Variants in HDAC4 observed in about 807,000 individuals in gnomAD.
The protein encoded by HDAC4 is histone deacetylase 4, also known as histone deacetylase A.
In HDAC4, 16 loss-of-function variants were observed where a neutral mutation model predicts 135.1. The ratio of observed to expected loss-of-function variants is 0.12; its 90% CI spans 0.08 to 0.18. HDAC4 has a LOEUF of 0.18. Ranked by LOEUF, HDAC4 falls within the 10% of genes least tolerant of loss-of-function variation. The probability of loss-of-function intolerance (pLI) is 1.00; values close to 1 mark genes in which losing one functional copy is unlikely to be tolerated. For synonymous variants in HDAC4, 685 were observed against 653.4 expected (o/e 1.05, Z -0.74); for missense variants, 1,143 against 1,511.8 (o/e 0.76, Z 4.05).
At chr2:239,337,101 C>A (rs1384732287) in intron 2 of HDAC4, among the ~76,000 whole-genome samples, 1 of 152,134 alleles carries the variant, frequency 6.6e-6, no homozygotes, top group Non-Finnish European at 1.5e-5. Context: ...GGGGAAAGTG[C>A]CATTCTCATC....
chr2:239,316,267 T>A (rs1185295638), intron 2 of HDAC4, among the ~76,000 whole-genome samples: 2 of 152,154 alleles, frequency 1.3e-5, no homozygotes, highest in African/African-American at 4.8e-5. Flanking sequence ...AATCTACTTA[T>A]CTTTTGATAG....
chr2:239,128,870 C>T (rs541817400), intron 11 of HDAC4, among the ~76,000 whole-genome samples: 18 of 152,154 alleles, frequency 1.2e-4, no homozygotes, highest in East Asian at 3.9e-4. Context: ...GTGTGACACA[C>T]GGTAAGGAAC....
At chr2:239,143,082 G>T (rs2041511093) in intron 8 of HDAC4, among the ~76,000 whole-genome samples, 1 of 152,264 alleles carries the variant, frequency 6.6e-6, no homozygotes, top group South Asian at 2.1e-4. Flanking sequence ...GTGATGTGCT[G>T]CTTGCTCAAA....
intron 4 of HDAC4, among the ~76,000 whole-genome samples, chr2:239,180,057 G>A (rs569360448): frequency 1.3e-5 from 2 of 152,322 alleles, no homozygotes; most frequent in South Asian, 2.1e-4. Flanking sequence ...GGGGGCAGGC[G>A]GTGTGTGTCC....
At chr2:239,169,334 G>A (rs1019515962) in intron 5 of HDAC4, among the ~76,000 whole-genome samples, 10 of 152,334 alleles carry the variant, frequency 6.6e-5, no homozygotes, top group South Asian at 6.2e-4. Flanking sequence ...GGCCCGTGGC[G>A]CACACCCGCG....
intron 3 of HDAC4, among the ~76,000 whole-genome samples, chr2:239,201,496 C>A (rs1205051835): frequency 2.6e-5 from 4 of 152,212 alleles, no homozygotes; most frequent in Non-Finnish European, 4.4e-5. Context: ...AAGGCCAGGC[C>A]CCCCTGTAAT....
chr2:239,089,019 G>T (rs2036249749), intron 18 of HDAC4, among the ~76,000 whole-genome samples: 1 of 152,142 alleles, frequency 6.6e-6, no homozygotes, highest in African/African-American at 2.4e-5. Context: ...TCCAAGAAGG[G>T]CTAATGGTTC....
intron 4 of HDAC4, among the ~76,000 whole-genome samples, chr2:239,188,298 C>T (rs979145893): frequency 1.3e-5 from 2 of 152,236 alleles, no homozygotes; most frequent in Non-Finnish European, 2.9e-5. Context: ...TACTACTTTA[C>T]CTCCATTTCT....
At chr2:239,177,877 G>A (rs780000860) in intron 4 of HDAC4, among the ~76,000 whole-genome samples, 3 of 152,180 alleles carry the variant, frequency 2.0e-5, no homozygotes, top group South Asian at 2.1e-4. Flanking sequence ...TCACGGTATC[G>A]GAAAAGGTGA....
At chr2:239,315,437 C>A (rs1036768093) in intron 2 of HDAC4, among the ~76,000 whole-genome samples, 1 of 152,186 alleles carries the variant, frequency 6.6e-6, no homozygotes, top group African/African-American at 2.4e-5. Context: ...GATGGGAGAG[C>A]AACGGGCAAT....
chr2:239,164,626 C>G (rs2043018307), intron 5 of HDAC4, among the ~76,000 whole-genome samples: 1 of 152,256 alleles, frequency 6.6e-6, no homozygotes, highest in African/African-American at 2.4e-5. Flanking sequence ...TCCAATCTAA[C>G]CACACAGTAC....
intron 12 of HDAC4, among the ~76,000 whole-genome samples, chr2:239,121,399 G>C (rs531656309): frequency 6.6e-6 from 1 of 152,280 alleles, no homozygotes; most frequent in East Asian, 1.9e-4. Flanking sequence ...CTGTTTCAGG[G>C]GCCCCAAGGC....
chr2:239,142,198 A>G (rs2041424632), intron 8 of HDAC4, among the ~76,000 whole-genome samples: 1 of 152,172 alleles, frequency 6.6e-6, no homozygotes, highest in East Asian at 1.9e-4. Context: ...GTAGACACCC[A>G]ATTAATTAGT....
intron 3 of HDAC4, among the ~76,000 whole-genome samples, chr2:239,224,773 A>C (rs1330676302): frequency 6.6e-6 from 1 of 152,216 alleles, no homozygotes; most frequent in African/African-American, 2.4e-5. Flanking sequence ...TGAATGAATG[A>C]GTTGAACGCA....
chr2:239,363,072 T>A (rs977394733), intron 1 of HDAC4, among the ~76,000 whole-genome samples: 1 of 152,144 alleles, frequency 6.6e-6, no homozygotes, highest in Admixed American at 6.6e-5. Flanking sequence ...GCATACAATA[T>A]TAGCAAATAT....
intron 6 of HDAC4, among the ~76,000 whole-genome samples, chr2:239,157,453 C>T (rs973996977): frequency 3.3e-5 from 5 of 152,208 alleles, no homozygotes; most frequent in Non-Finnish European, 5.9e-5. Flanking sequence ...AACTCCACAC[C>T]CTCCAGGCAG....
At chr2:239,088,960 C>G (rs370177869) in intron 18 of HDAC4, among the ~76,000 whole-genome samples, 1 of 152,096 alleles carries the variant, frequency 6.6e-6, no homozygotes, top group Non-Finnish European at 1.5e-5. Context: ...TTCCAAATGA[C>G]CAACGCACGG....
At chr2:239,189,555 G>A (rs147711380) in intron 4 of HDAC4, among the ~76,000 whole-genome samples, 17 of 152,290 alleles carry the variant, frequency 1.1e-4, no homozygotes, top group Middle Eastern at 3.4e-3. Flanking sequence ...AGCATGTTTC[G>A]GATGAAATTA....
intron 17 of HDAC4, 56 bp downstream of exon 17, chr2:239,094,954 A>G: frequency 6.2e-7 from 1 of 1,612,978 alleles, no homozygotes; most frequent in Non-Finnish European, 8.5e-7. Context: ...GATTTCTGTG[A>G]CCACTGGGAC....
Sources: gnomAD v4.1 joint callset for allele counts (sites outside exome capture counted in the v4.1 genomes callset) on GRCh38, gnomAD v4.1.1 for gene constraint, MANE v1.5 for transcripts, NCBI Gene and HGNC (gene_info 2026-07-23, HGNC 2026-07-21) for gene names.